B3GALT1: variants seen among roughly 807,000 people sequenced by gnomAD.
B3GALT1 encodes beta-1,3-galactosyltransferase 1.
A neutral mutation model predicts 23.2 loss-of-function variants in B3GALT1; 10 were observed. That is an observed-to-expected ratio of 0.43 (90% confidence interval 0.27 to 0.73). The LOEUF (loss-of-function observed/expected upper bound fraction) is 0.73, where lower values mean the gene tolerates loss of function less well. Among genes scored for constraint, B3GALT1 ranks in the 30% least tolerant of loss-of-function variants. B3GALT1 has a pLI of 0.21. For missense variants in B3GALT1, 299 were observed against 405.4 expected, an observed-to-expected ratio of 0.74 and a Z score of 2.25; for synonymous variants, 156 against 141.5, an observed-to-expected ratio of 1.10 and a Z score of -0.73.
At chr2:167,417,085 G>A (rs1247061263) in intron 1 of B3GALT1, among the ~76,000 whole-genome samples, 1 of 152,130 alleles carries the variant, frequency 6.6e-6, no homozygotes, top group Non-Finnish European at 1.5e-5. Flanking sequence ...AGAAGGACAT[G>A]CATTTTGGGA....
chr2:167,347,736 G>C (rs964373971), intron 1 of B3GALT1, among the ~76,000 whole-genome samples: 3 of 152,010 alleles, frequency 2.0e-5, no homozygotes, highest in Non-Finnish European at 4.4e-5. Flanking sequence ...TCTTGCTTCA[G>C]TAACCATGCG....
At chr2:167,530,778 T>C (rs966582661) in intron 2 of B3GALT1, among the ~76,000 whole-genome samples, 2 of 152,220 alleles carry the variant, frequency 1.3e-5, no homozygotes, top group African/African-American at 4.8e-5. Context: ...AATATTTAAT[T>C]ATTCTTTCAA....
chr2:167,526,042 C>T (rs1683213831), intron 2 of B3GALT1, among the ~76,000 whole-genome samples: 1 of 152,070 alleles, frequency 6.6e-6, no homozygotes. Context: ...TCCTTGCCTA[C>T]ACCTGCAATC....
intron 3 of B3GALT1, chr2:167,716,207 G>C: frequency 1.0e-6 from 1 of 965,752 alleles, no homozygotes; most frequent in African/African-American, 1.7e-5. Context: ...TGCGGAGGGA[G>C]CTGGGGAATG....
At chr2:167,800,211 T>TA (rs1339516758) in intron 3 of B3GALT1, among the ~76,000 whole-genome samples, 1 of 152,186 alleles carries the variant, frequency 6.6e-6, no homozygotes, top group Non-Finnish European at 1.5e-5. Context: ...TTCGTGGACA[T>TA]AAAATCATTG....
At chr2:167,674,594 G>T (rs1289596347) in intron 3 of B3GALT1, among the ~76,000 whole-genome samples, 1 of 152,160 alleles carries the variant, frequency 6.6e-6, no homozygotes, top group Non-Finnish European at 1.5e-5. Context: ...GTTCAGAGTT[G>T]TATAGACCCA....
intron 1 of B3GALT1, among the ~76,000 whole-genome samples, chr2:167,308,241 GT>G (rs1039440447): frequency 6.6e-6 from 1 of 151,926 alleles, no homozygotes; most frequent in Admixed American, 6.6e-5. Context: ...TCAAAACTGA[GT>G]TTTTGATAGA....
At chr2:167,818,260 GTTGTGACATCATTGGGCCTGTTTATCT>G (rs1689037008) in intron 3 of B3GALT1, among the ~76,000 whole-genome samples, 1 of 152,098 alleles carries the variant, frequency 6.6e-6, no homozygotes, top group Non-Finnish European at 1.5e-5. Context: ...AAAATTGGAC[GTTGTGACATCATTGGGCCTGTTTATCT>G]TTGTGGCATC....
chr2:167,501,380 T>A (rs982904242), intron 2 of B3GALT1, among the ~76,000 whole-genome samples: 1 of 151,912 alleles, frequency 6.6e-6, no homozygotes, highest in Non-Finnish European at 1.5e-5. Flanking sequence ...AATTTGGTAA[T>A]GTTTTAGCTA....
At chr2:167,347,014 T>G (rs1448774854) in intron 1 of B3GALT1, among the ~76,000 whole-genome samples, 2 of 152,238 alleles carry the variant, frequency 1.3e-5, no homozygotes, top group African/African-American at 2.4e-5. Context: ...ATACAAAATA[T>G]ATTGTGTTTT....
At chr2:167,767,446 A>G (rs867263250) in intron 3 of B3GALT1, among the ~76,000 whole-genome samples, 2 of 152,158 alleles carry the variant, frequency 1.3e-5, no homozygotes, top group East Asian at 3.9e-4. Context: ...TTCTGCTTCA[A>G]TTTTAGCAGA....
intron 1 of B3GALT1, among the ~76,000 whole-genome samples, chr2:167,381,486 C>T (rs1313250946): frequency 2.0e-5 from 3 of 152,176 alleles, no homozygotes; most frequent in Non-Finnish European, 4.4e-5. Context: ...CTCAGCAATA[C>T]ACTAAAGCTC....
intron 1 of B3GALT1, among the ~76,000 whole-genome samples, chr2:167,478,605 T>A (rs1397609632): frequency 1.3e-5 from 2 of 151,904 alleles, no homozygotes; most frequent in Non-Finnish European, 2.9e-5. Context: ...CTAGGGTACA[T>A]GTGCACAACG....
chr2:167,319,094 A>G (rs1696763220), intron 1 of B3GALT1, among the ~76,000 whole-genome samples: 1 of 152,084 alleles, frequency 6.6e-6, no homozygotes, highest in Non-Finnish European at 1.5e-5. Context: ...TCTTGCTCTG[A>G]GATGGTTTTT....
intron 3 of B3GALT1, among the ~76,000 whole-genome samples, chr2:167,694,027 C>T (rs963948702): frequency 7.2e-5 from 11 of 152,056 alleles, no homozygotes; most frequent in Non-Finnish European, 1.5e-4. Flanking sequence ...GATGGTCTCA[C>T]TCACATGTTT....
chr2:167,742,906 GT>G (rs1488248505), intron 3 of B3GALT1, among the ~76,000 whole-genome samples: 12 of 151,688 alleles, frequency 7.9e-5, no homozygotes, highest in Admixed American at 1.3e-4. Flanking sequence ...AATGAATTTT[GT>G]TTTATCATTT....
intron 4 of B3GALT1, among the ~76,000 whole-genome samples, chr2:167,841,168 A>C (rs573134213): frequency 6.6e-5 from 10 of 151,284 alleles, no homozygotes; most frequent in African/African-American, 2.4e-4. Flanking sequence ...TAAAACTTAA[A>C]GTATAATAAT....
At chr2:167,809,011 CTTCTT>C (rs1281080152) in intron 3 of B3GALT1, among the ~76,000 whole-genome samples, 1 of 152,176 alleles carries the variant, frequency 6.6e-6, no homozygotes, top group Non-Finnish European at 1.5e-5. Context: ...CTAAACTTCT[CTTCTT>C]GCTTCATTTC....
intron 3 of B3GALT1, among the ~76,000 whole-genome samples, chr2:167,662,517 T>C (rs1038881200): frequency 1.3e-5 from 2 of 152,080 alleles, no homozygotes; most frequent in African/African-American, 2.4e-5. Context: ...TTGGCACCAG[T>C]ATGGAATGGC....
Sources: allele counts gnomAD v4.1 joint callset (sites outside exome capture counted in the v4.1 genomes callset), GRCh38; gene constraint gnomAD v4.1.1; transcripts MANE v1.5; gene names NCBI Gene and HGNC (gene_info 2026-07-23, HGNC 2026-07-21).